The following MRPL11 variants were observed in gnomAD, a reference collection of about 807,000 sequenced individuals.
MRPL11 encodes the protein large ribosomal subunit protein uL11m.
A neutral mutation model predicts 19.1 loss-of-function variants in MRPL11; 21 were observed. The ratio of observed to expected loss-of-function variants is 1.10; its 90% CI spans 0.78 to 1.58. MRPL11 has a LOEUF of 1.58. MRPL11 is among the 40% of genes most tolerant of loss of function. The pLI, the probability that MRPL11 is intolerant of heterozygous loss-of-function variation, is 0.00. For synonymous variants in MRPL11, 108 were observed against 99.7 expected, an observed-to-expected ratio of 1.08 and a Z score of -0.49; for missense variants, 242 against 243.9, an observed-to-expected ratio of 0.99 and a Z score of 0.05.
At chr11:66,437,869 C>T (rs1405516083) in intron 2 of MRPL11, among the ~76,000 whole-genome samples, 1 of 152,088 alleles carries the variant, frequency 6.6e-6, no homozygotes, top group African/African-American at 2.4e-5. Flanking sequence ...AACAAAACTC[C>T]ATCTCAGAAA....
Position 66,436,030 on chromosome 11 carries a change from G to A in MRPL11, c.556C>T (p.Gln186Ter), listed in dbSNP as rs1373770182. The change falls in exon 5 of 5, where the codon CAA becomes TAA. Residue 186 changes from glutamine to a stop codon, truncating the protein, a stop_gained. Transcript: ENST00000310999. LOFTEE classifies it high-confidence loss of function. ...AAQKEADLAA[Q>*]EEAAKK ...GGTCACTTCTTGGCAGCTTCTTCTT[G>A]GGCAGCCAAATCTGCCTCCTTCTGA... 6.2e-7 allele frequency: 1 copy of A among 1,613,692 alleles called. No homozygotes were observed. Among genetic ancestry groups the A allele is most frequent in the African/African-American group, 1.3e-5 (1 of 75,022 alleles).
At chr11:66,437,032 GCCCTCTC>G in intron 4 of MRPL11, 65 bp downstream of exon 4, 3 of 1,590,084 alleles carry the variant, frequency 1.9e-6, no homozygotes, top group Non-Finnish European at 2.6e-6. Context: ...ACTGCAATGG[GCCCTCTC>G]AGCTCTGCCC....
At chr11:66,437,012 T>C (rs1221828760) in intron 4 of MRPL11, 92 bp downstream of exon 4, 37 of 1,258,108 alleles carry the variant, frequency 2.9e-5, no homozygotes, top group Non-Finnish European at 4.1e-5. Context: ...ACTTAAAAGC[T>C]GACTTTCCCA....
rs1173518888 is a variant in MRPL11, at chr11:66,438,780, A to G, written c.-26T>C. 2 of 1,490,308 alleles carry G rather than the reference A, an allele frequency of 1.3e-6. No individual in the cohort carries two copies. The highest frequency in any genetic ancestry group is 1.3e-5 in the South Asian group (1 of 76,534). The allele number at this position is 1,490,308 out of a possible 1,614,324, so 92.3% of individuals were successfully genotyped here. A position where few individuals can be genotyped will look rare whatever the true frequency, so the allele number is the denominator to read the frequency against. ...GATGCGGGGCTGCTGGCTTCAGTTC[A>G]CCTCAGGGGAGCAGCAAGAGCGAAG... On this transcript the variant is annotated 5_prime_UTR_variant, in exon 1 of 5. Coordinates refer to ENST00000310999, the MANE Select transcript of MRPL11 (RefSeq NM_016050.5).
intron 4 of MRPL11, 45 bp downstream of exon 4, chr11:66,437,059 G>A (rs1191196735): frequency 6.2e-7 from 1 of 1,604,644 alleles, no homozygotes; most frequent in Admixed American, 1.7e-5. Flanking sequence ...CGAGTCCAGA[G>A]CTTTCTGGGC....
intron 4 of MRPL11, 125 bp downstream of exon 4, chr11:66,436,979 C>CAA: frequency 1.5e-6 from 2 of 1,369,096 alleles, no homozygotes; most frequent in Non-Finnish European, 2.1e-6. Context: ...CCCACCCCAT[C>CAA]CTCTAGAATC....
intron 4 of MRPL11, chr11:66,436,812 T>A: frequency 1.2e-6 from 2 of 1,610,938 alleles, no homozygotes; most frequent in Non-Finnish European, 1.7e-6. Flanking sequence ...CATTCTCCAC[T>A]TGCCTCTAGG....
intron 4 of MRPL11, 87 bp downstream of exon 4, chr11:66,437,017 T>G: frequency 6.4e-7 from 1 of 1,562,638 alleles, no homozygotes; most frequent in Non-Finnish European, 8.8e-7. Flanking sequence ...AAAGCTGACT[T>G]TCCCACTGCA....
chr11:66,438,808 C>A lies in MRPL11; in HGVS notation c.-54G>T, dbSNP rs1857046884. ...TCAGGGGAGCAGCAAGAGCGAAGCT[C>A]TGGGCGCCACCATCTTGGGCCAGAG... On this transcript the variant is annotated 5_prime_UTR_variant, in exon 1 of 5. Coordinates refer to ENST00000310999, the MANE Select transcript of MRPL11 (RefSeq NM_016050.5). The A allele has an allele frequency of 1.4e-6, 2 of 1,413,924 alleles. No individual in the cohort carries two copies. The highest frequency in any genetic ancestry group is 1.9e-6 in the Non-Finnish European group (2 of 1,076,062). 87.6% of individuals were successfully genotyped at this position (1,413,924 alleles called of 1,614,324 possible). A position where few individuals can be genotyped will look rare whatever the true frequency, so the allele number is the denominator to read the frequency against.
chr11:66,435,953 G>C lies in MRPL11; in HGVS notation c.*54C>G. 2 of 1,374,306 alleles carry C rather than the reference G, an allele frequency of 1.5e-6. No homozygotes were observed. The highest frequency in any genetic ancestry group is 2.1e-6 in the Non-Finnish European group (2 of 967,170). The allele number at this position is 1,374,306 out of a possible 1,614,324, so 85.1% of individuals were successfully genotyped here. On this transcript the variant is annotated 3_prime_UTR_variant, in exon 5 of 5. Coordinates refer to ENST00000310999, the MANE Select transcript of MRPL11 (RefSeq NM_016050.5). ...TGGTGTGACCTCCTTCCTCCCCTTG[G>C]GCACAGCTTTTGCAACTACCTCCTT...
At position 66,438,846 on chromosome 11, in the gene MRPL11, C is replaced by T. The variant is rs1857048105; in HGVS notation, c.-92G>A. The T allele has an allele frequency of 2.3e-6, 3 of 1,319,262 alleles. No homozygotes were observed. The highest frequency in any genetic ancestry group is 3.6e-5 in the Admixed American group (1 of 27,820). The allele number at this position is 1,319,262 out of a possible 1,614,324, so 81.7% of individuals were successfully genotyped here. A position where few individuals can be genotyped will look rare whatever the true frequency, so the allele number is the denominator to read the frequency against. ...TCTTGGGCCAGAGGTCAAGGGTCCT[C>T]ACGTTAGGCTAGGGCAGGTGAGGCC... On this transcript the variant is annotated 5_prime_UTR_variant, in exon 1 of 5. Coordinates refer to ENST00000310999, the MANE Select transcript of MRPL11 (RefSeq NM_016050.5).
Position 66,437,138 on chromosome 11 carries a change from A to C in MRPL11, c.439T>G (p.Ser147Ala). ...ACGCGAATGCCCAGAGAACGGGCAG[A>C]CCCGATGATGGAGCGGACAACAGAC... Reference protein sequence around the residue: ...LSSVVRSIIGSARSLGIRVVK... With the variant: ...LSSVVRSIIGAARSLGIRVVK... Residue 147 changes from serine to alanine, a missense_variant, in exon 4 of 5, where the codon TCT becomes GCT. Coordinates refer to ENST00000310999, the MANE Select transcript of MRPL11 (RefSeq NM_016050.5). 1 of 1,614,226 alleles carries C rather than the reference A, an allele frequency of 6.2e-7. No individual in the cohort carries two copies.
At chr11:66,438,327 G>C (rs1857030715) in intron 1 of MRPL11, 68 bp from the exon 2 acceptor site, 1 of 1,260,538 alleles carries the variant, frequency 7.9e-7, no homozygotes, top group East Asian at 2.3e-5. Flanking sequence ...AGGAGGCGCC[G>C]TCCGTTCCCT....
At chr11:66,437,675 C>T (rs997930222) in intron 2 of MRPL11, among the ~76,000 whole-genome samples, 10 of 152,284 alleles carry the variant, frequency 6.6e-5, no homozygotes, top group African/African-American at 2.4e-4. Context: ...GAGTTCAAGA[C>T]CAGCCTGACC....
intron 4 of MRPL11, chr11:66,436,746 G>GCAAGCATGAACCTGA: frequency 8.7e-7 from 1 of 1,152,460 alleles, no homozygotes; most frequent in Non-Finnish European, 1.3e-6. Context: ...TGCCTCAGGA[G>GCAAGCATGAACCTGA]CAAGCATGAA....
At position 66,436,047 on chromosome 11, in the gene MRPL11, T is replaced by C. The variant is rs754639227; in HGVS notation, c.539A>G (p.Glu180Gly). The C allele has an allele frequency of 3.7e-6, 6 of 1,614,044 alleles. No individual in the cohort carries two copies. In the East Asian group the frequency reaches 1.3e-4, roughly 36 times the overall value. ...TTCTTCTTGGGCAGCCAAATCTGCCTCCTTCTGAGCAGCCAGGAAGATGGC... is the reference window on the plus strand; with the variant it reads ...TTCTTCTTGGGCAGCCAAATCTGCCCCCTTCTGAGCAGCCAGGAAGATGGC... ...ERAIFLAAQKEADLAAQEEAA... is the reference protein window; with the variant it reads ...ERAIFLAAQKGADLAAQEEAA... The change falls in exon 5 of 5, where the codon GAG (glutamate) becomes GGG (glycine). Residue 180 changes from glutamate to glycine, a missense_variant. By Grantham distance (98) the Glu-to-Gly change is moderately conservative. Transcript: ENST00000310999.
rs910641318 is a variant in MRPL11, at chr11:66,438,524, G to A, written c.123+108C>T. Reference sequence around the variant, plus strand: ...CATAAAGCGTGTGAGAAGCAGAGCCGAGCTCTGAACCGAGGCCCGGGTGGT... The same window carrying A: ...CATAAAGCGTGTGAGAAGCAGAGCCAAGCTCTGAACCGAGGCCCGGGTGGT... On this transcript the variant is annotated intron_variant, in intron 1 of 4. Coordinates refer to ENST00000310999, the MANE Select transcript of MRPL11 (RefSeq NM_016050.5). The A allele has an allele frequency of 4.3e-6, 6 of 1,398,830 alleles. No homozygotes were observed. In the East Asian group the frequency reaches 1.4e-4, roughly 33 times the overall value. The allele number at this position is 1,398,830 out of a possible 1,614,324, so 86.7% of individuals were successfully genotyped here.
rs1856956635 is a variant in MRPL11, at chr11:66,435,954, G to A, written c.*53C>T. On this transcript the variant is annotated 3_prime_UTR_variant, in exon 5 of 5. Coordinates refer to ENST00000310999, the MANE Select transcript of MRPL11 (RefSeq NM_016050.5). Reference sequence around the variant, plus strand: ...GGTGTGACCTCCTTCCTCCCCTTGGGCACAGCTTTTGCAACTACCTCCTTT... The same window carrying A: ...GGTGTGACCTCCTTCCTCCCCTTGGACACAGCTTTTGCAACTACCTCCTTT... The A allele has an allele frequency of 7.2e-7, 1 of 1,382,048 alleles. No individual in the cohort carries two copies. Among genetic ancestry groups the A allele is most frequent in the Admixed American group, 1.7e-5 (1 of 57,166 alleles). The allele number at this position is 1,382,048 out of a possible 1,614,324, so 85.6% of individuals were successfully genotyped here.
chr11:66,436,884 T>G (rs2134660272), intron 4 of MRPL11: 1 of 1,614,202 alleles, frequency 6.2e-7, no homozygotes, highest in Non-Finnish European at 8.5e-7. Flanking sequence ...ATCTTTCCAT[T>G]TCTTAGAACA....
Sources: gnomAD v4.1 joint callset for allele counts (sites outside exome capture counted in the v4.1 genomes callset) on GRCh38, gnomAD v4.1.1 for gene constraint, MANE v1.5 for transcripts, NCBI Gene and HGNC (gene_info 2026-07-23, HGNC 2026-07-21) for gene names.